The following CSMD1 variants were observed in gnomAD, a reference collection of about 807,000 sequenced individuals.
CSMD1 encodes CUB and sushi domain-containing protein 1.
CSMD1 carries 213 observed loss-of-function variants against 417.5 expected under a neutral mutation model. That is an observed-to-expected ratio of 0.51 (90% CI 0.46 to 0.57). The LOEUF is 0.57. CSMD1 is among the 20% of genes least tolerant of loss of function. The pLI, the probability that CSMD1 is intolerant of heterozygous loss-of-function variation, is 0.00. For synonymous variants in CSMD1, 2,862 were observed against 1,736.8 expected, an observed-to-expected ratio of 1.65 and a Z score of -16.11; for missense variants, 6,923 against 4,529.7, an observed-to-expected ratio of 1.53 and a Z score of -15.17.
intron 3 of CSMD1, among the ~76,000 whole-genome samples, chr8:4,139,736 G>C (rs115427275): frequency 6.6e-6 from 1 of 151,258 alleles, no homozygotes; most frequent in Non-Finnish European, 1.5e-5. Flanking sequence ...TTGAGTAGAT[G>C]AGTACAAAGA....
In CSMD1 at chr8:4,495,626, A is replaced by G. The variant is rs147162395; in HGVS notation, c.303-75561T>C. 3.6e-3 allele frequency among the ~76,000 whole-genome samples: 545 copies of G among 152,236 alleles called. 2 individuals are homozygous for G. Among genetic ancestry groups the G allele is most frequent in the African/African-American group, 0.011 (457 of 41,552 alleles). ...TTTTAGGGCACAAATATTAAAATGT[A>G]TGCTGCAGACCTTGTGGAAGAATAG... On this transcript the variant is annotated intron_variant, in intron 2 of 69. Transcript: ENST00000635120.
At chr8:3,982,120 T>C (rs1259000943) in intron 5 of CSMD1, among the ~76,000 whole-genome samples, 1 of 150,364 alleles carries the variant, frequency 6.7e-6, no homozygotes, top group African/African-American at 2.4e-5. Flanking sequence ...ATTGCACAAC[T>C]GCACTCCAGC....
At chr8:3,451,940 A>C (rs574576755) in intron 12 of CSMD1, among the ~76,000 whole-genome samples, 2 of 152,204 alleles carry the variant, frequency 1.3e-5, no homozygotes, top group South Asian at 2.1e-4. Flanking sequence ...GATTCTTCCT[A>C]CCCATGAACA....
chr8:3,803,297 A>C (rs1800558603), intron 5 of CSMD1, among the ~76,000 whole-genome samples: 1 of 152,196 alleles, frequency 6.6e-6, no homozygotes, highest in Admixed American at 6.6e-5. Context: ...ACGGTTTAGC[A>C]GCAGCTGGGT....
rs138156102 is a variant in CSMD1, at chr8:3,717,091, A to G, written c.932-8600T>C. Among the ~76,000 whole-genome samples the G allele has an allele frequency of 3.3e-5, 5 of 152,328 alleles. No homozygotes were observed. In the East Asian group the frequency reaches 9.7e-4, roughly 29 times the overall value. On this transcript the variant is annotated intron_variant, in intron 6 of 69. Transcript: ENST00000635120. ...GATACTAGAACCTGCTGGCTTTACC[A>G]TATCTCAACAGTCTGCTTCAGAAAT...
chr8:3,987,804 C>T (rs1246291375), intron 5 of CSMD1, among the ~76,000 whole-genome samples: 2 of 152,190 alleles, frequency 1.3e-5, no homozygotes, highest in African/African-American at 2.4e-5. Flanking sequence ...GAAGCATAGC[C>T]TTATCCAAAC....
At chr8:3,979,485 GT>G (rs1813694350) in intron 5 of CSMD1, among the ~76,000 whole-genome samples, 1 of 152,270 alleles carries the variant, frequency 6.6e-6, no homozygotes, top group Non-Finnish European at 1.5e-5. Context: ...GGCTTAGAAT[GT>G]TGTGTCACTC....
At chr8:4,942,514 A>G (rs1454620312) in intron 1 of CSMD1, among the ~76,000 whole-genome samples, 1 of 152,200 alleles carries the variant, frequency 6.6e-6, no homozygotes. Context: ...TCATTTTTTC[A>G]AAATATTTTC....
rs80237416 is a variant in CSMD1 at position 3,676,182 on chromosome 8, T to C, written c.1009+32232A>G. ...TTTTCTTCTGCTCAATTTTATAGTC[T>C]TCTCCTCGTTTGTCCATACTGCATT... On this transcript the variant is annotated intron_variant, in intron 7 of 69. Coordinates refer to ENST00000635120, the MANE Select transcript of CSMD1 (RefSeq NM_033225.6). Among the ~76,000 whole-genome samples, 5 of 152,364 alleles carry C rather than the reference T, an allele frequency of 3.3e-5. No individual in the cohort carries two copies. The East Asian group carries it at 7.7e-4, about 23-fold the overall frequency.
At chr8:4,110,193 A>T (rs183202146) in intron 3 of CSMD1, among the ~76,000 whole-genome samples, 26 of 152,304 alleles carry the variant, frequency 1.7e-4, no homozygotes, top group African/African-American at 6.0e-4. Flanking sequence ...CTAAAGAATA[A>T]AATTTAAAAT....
chr8:4,382,919 G>A (rs940234646), intron 3 of CSMD1, among the ~76,000 whole-genome samples: 8 of 152,156 alleles, frequency 5.3e-5, no homozygotes, highest in African/African-American at 1.9e-4. Context: ...TAATAAGTGG[G>A]AAGGTGTACA....
intron 3 of CSMD1, among the ~76,000 whole-genome samples, chr8:4,268,886 T>G (rs1056523124): frequency 6.6e-6 from 1 of 152,212 alleles, no homozygotes; most frequent in African/African-American, 2.4e-5. Flanking sequence ...GAATGTTTAT[T>G]CATAATGCAT....
chr8:3,346,779 G>A (rs1189044144), intron 22 of CSMD1, among the ~76,000 whole-genome samples: 4 of 152,188 alleles, frequency 2.6e-5, no homozygotes, highest in African/African-American at 9.7e-5. Context: ...AAGTCTCATA[G>A]TTCAAAGTGA....
chr8:3,077,930 G>A (rs766267506), intron 49 of CSMD1, among the ~76,000 whole-genome samples: 6 of 152,204 alleles, frequency 3.9e-5, no homozygotes, highest in Non-Finnish European at 8.8e-5. Context: ...AGTTCCTCCT[G>A]CTGAAGTGGA....
In CSMD1 at chr8:4,763,947, G is replaced by A. The variant is rs536208026; in HGVS notation, c.86-126389C>T. 1.9e-4 allele frequency among the ~76,000 whole-genome samples: 29 copies of A among 152,188 alleles called. 1 individual carries two copies. In the South Asian group the frequency reaches 5.4e-3, roughly 28 times the overall value. On this transcript the variant is annotated intron_variant, in intron 1 of 69. Transcript: ENST00000635120. ...AGTCTGAACAAATTATATTCCTTATGCCACTTATGACATGTCAAAATATCA... is the reference window on the plus strand; with the variant it reads ...AGTCTGAACAAATTATATTCCTTATACCACTTATGACATGTCAAAATATCA...
At chr8:4,730,610 G>A (rs914983622) in intron 1 of CSMD1, among the ~76,000 whole-genome samples, 4 of 152,000 alleles carry the variant, frequency 2.6e-5, no homozygotes, top group African/African-American at 4.8e-5. Flanking sequence ...GCGTGGTGGC[G>A]GGCGCCTGTA....
chr8:4,410,293 T>C (rs748298867), intron 3 of CSMD1, among the ~76,000 whole-genome samples: 5 of 152,200 alleles, frequency 3.3e-5, no homozygotes, highest in Non-Finnish European at 5.9e-5. Context: ...GGAAAACAAA[T>C]TGAGGTAATG....
At chr8:4,067,687 T>C (rs937227778) in intron 3 of CSMD1, among the ~76,000 whole-genome samples, 1 of 152,200 alleles carries the variant, frequency 6.6e-6, no homozygotes, top group South Asian at 2.1e-4. Flanking sequence ...ACTTGTCCTG[T>C]GGAATATTAA....
chr8:3,283,375 C>T (rs1385919839), intron 26 of CSMD1, among the ~76,000 whole-genome samples: 1 of 151,988 alleles, frequency 6.6e-6, no homozygotes, highest in Non-Finnish European at 1.5e-5. Context: ...TATGTAGAGA[C>T]CCACACCTGT....
Sources: allele counts gnomAD v4.1 joint callset (sites outside exome capture counted in the v4.1 genomes callset), GRCh38; gene constraint gnomAD v4.1.1; transcripts MANE v1.5; gene names NCBI Gene and HGNC (gene_info 2026-07-23, HGNC 2026-07-21).